The following ANKS1B variants were observed in gnomAD, a reference collection of about 807,000 sequenced individuals.
ANKS1B encodes ankyrin repeat and sterile alpha motif domain-containing protein 1B.
A neutral mutation model predicts 148.3 loss-of-function variants in ANKS1B; 36 were observed. The ratio of observed to expected loss-of-function variants is 0.24; its 90% CI spans 0.19 to 0.32. The LOEUF (loss-of-function observed/expected upper bound fraction) is 0.32, where lower values mean the gene tolerates loss of function less well. Among genes scored for constraint, ANKS1B ranks in the 10% least tolerant of loss-of-function variants. ANKS1B has a pLI of 1.00. For missense variants in ANKS1B, 1,157 were observed against 1,542.6 expected, an observed-to-expected ratio of 0.75 and a Z score of 4.19; for synonymous variants, 542 against 560.8, an observed-to-expected ratio of 0.97 and a Z score of 0.47.
At chr12:99,283,993 A>G (rs2078802001) in intron 12 of ANKS1B, among the ~76,000 whole-genome samples, 1 of 152,186 alleles carries the variant, frequency 6.6e-6, no homozygotes, top group African/African-American at 2.4e-5. Flanking sequence ...TTTCCTTAAC[A>G]AGACTCCTCC....
chr12:99,212,947 T>C (rs940842957), intron 14 of ANKS1B, among the ~76,000 whole-genome samples: 3 of 152,196 alleles, frequency 2.0e-5, no homozygotes, highest in Non-Finnish European at 4.4e-5. Context: ...TGTTCAAAGA[T>C]GAAGGTCCTT....
chr12:99,266,462 A>C (rs2076454173), intron 12 of ANKS1B, among the ~76,000 whole-genome samples: 1 of 152,178 alleles, frequency 6.6e-6, no homozygotes, highest in South Asian at 2.1e-4. Flanking sequence ...GAAAGGTTAA[A>C]TAACTTGTCT....
intron 9 of ANKS1B, among the ~76,000 whole-genome samples, chr12:99,508,102 C>G (rs2153019510): frequency 6.6e-6 from 1 of 151,940 alleles, no homozygotes; most frequent in Admixed American, 6.6e-5. Context: ...TCTAGTTCTT[C>G]TGTGATTTTT....
rs1301162827 is a variant in ANKS1B, at chr12:98,944,230, G to T, written c.2778+108927C>A. The stretch of plus-strand genomic sequence containing the variant: ...CAGGAGAATCGCTTGAACCCGGGAG[G>T]CAGAGGTTGCAGTGAGCTGAGATCA... On this transcript the variant is annotated intron_variant, in intron 17 of 26. Transcript: ENST00000683438. Among the ~76,000 whole-genome samples the T allele has an allele frequency of 1.0e-4, 15 of 147,452 alleles. No homozygotes were observed. In the Admixed American group the frequency reaches 1.1e-3, roughly 10 times the overall value.
intron 1 of ANKS1B, among the ~76,000 whole-genome samples, chr12:99,926,954 C>T (rs1293469078): frequency 6.6e-6 from 1 of 152,210 alleles, no homozygotes; most frequent in Non-Finnish European, 1.5e-5. Context: ...GCTTTGAAAT[C>T]CTGCCTACCC....
At chr12:99,950,979 T>A (rs1032701535) in intron 1 of ANKS1B, among the ~76,000 whole-genome samples, 1 of 152,242 alleles carries the variant, frequency 6.6e-6, no homozygotes, top group Non-Finnish European at 1.5e-5. Flanking sequence ...TTCTTCATTC[T>A]GTCCTCATAT....
At chr12:99,348,251 A>G (rs2090988156) in intron 12 of ANKS1B, among the ~76,000 whole-genome samples, 1 of 151,924 alleles carries the variant, frequency 6.6e-6, no homozygotes, top group African/African-American at 2.4e-5. Flanking sequence ...CCAGAAAGAG[A>G]GGAGACAGAA....
intron 16 of ANKS1B, among the ~76,000 whole-genome samples, chr12:99,063,826 G>C (rs2043214186): frequency 6.6e-6 from 1 of 152,148 alleles, no homozygotes; most frequent in South Asian, 2.1e-4. Context: ...ACTGTTGTTG[G>C]AAAGCAAGGA....
chr12:99,667,878 C>A (rs138216863), intron 8 of ANKS1B, among the ~76,000 whole-genome samples: 14 of 152,244 alleles, frequency 9.2e-5, no homozygotes, highest in Non-Finnish European at 1.9e-4. Context: ...ATAACCTTGC[C>A]TTTCTGGCAT....
chr12:99,340,317 A>C (rs1195320758), intron 12 of ANKS1B, among the ~76,000 whole-genome samples: 1 of 152,100 alleles, frequency 6.6e-6, no homozygotes, highest in Non-Finnish European at 1.5e-5. Context: ...AAAGTAAATA[A>C]CTTAGAGTCA....
intron 11 of ANKS1B, 63 bp from the exon 12 acceptor site, chr12:99,399,874 C>A: frequency 6.6e-7 from 1 of 1,522,630 alleles, no homozygotes; most frequent in South Asian, 1.2e-5. Context: ...CCCAATCTCC[C>A]CATCAATTTA....
chr12:99,850,281 G>GTCTCTCCCTCTCTCTCTCTCTC (rs57015094), intron 1 of ANKS1B, among the ~76,000 whole-genome samples: 1,564 of 114,172 alleles, frequency 0.014, 188 homozygotes, highest in African/African-American at 0.044. Context: ...AAGCAAGAAA[G>GTCTCTCCCTCTCTCTCTCTCTC]TCTCTCTCTC....
chr12:99,744,136 C>G (rs2060369663), intron 8 of ANKS1B, among the ~76,000 whole-genome samples: 1 of 152,048 alleles, frequency 6.6e-6, no homozygotes, highest in Non-Finnish European at 1.5e-5. Flanking sequence ...ATGACTATAT[C>G]TGGAACATAC....
At chr12:99,718,101 C>G (rs1465297136) in intron 8 of ANKS1B, among the ~76,000 whole-genome samples, 1 of 151,714 alleles carries the variant, frequency 6.6e-6, no homozygotes, top group South Asian at 2.1e-4. Flanking sequence ...GACGGGGTTT[C>G]ACCATGTTAG....
rs563828277 is a variant in ANKS1B, at chr12:98,813,657, G to A, written c.3067-5739C>T. Among the ~76,000 whole-genome samples the A allele has an allele frequency of 4.7e-5, 7 of 149,034 alleles. No homozygotes were observed. The South Asian group carries it at 1.1e-3, about 23-fold the overall frequency. On this transcript the variant is annotated intron_variant, in intron 19 of 26. Coordinates refer to ENST00000683438, the MANE Select transcript of ANKS1B (RefSeq NM_001352186.2). ...TCCTGGGTTCAAGTGATTCTCTCCCGGGTTCAAGTGCCTCAACCTCCTGTG... is the reference window on the plus strand; with the variant it reads ...TCCTGGGTTCAAGTGATTCTCTCCCAGGTTCAAGTGCCTCAACCTCCTGTG...
At chr12:99,940,442 A>T (rs1488340312) in intron 1 of ANKS1B, among the ~76,000 whole-genome samples, 1 of 152,144 alleles carries the variant, frequency 6.6e-6, no homozygotes, top group Non-Finnish European at 1.5e-5. Context: ...AGGGGGAAAA[A>T]AACTAGGCAG....
In ANKS1B at chr12:99,812,419, A is replaced by G. The variant is rs377634701; in HGVS notation, c.216-108T>C. 49 of 1,216,824 alleles carry G rather than the reference A, an allele frequency of 4.0e-5. 1 individual carries two copies. The African/African-American group carries it at 5.7e-4, about 14-fold the overall frequency. The allele number at this position is 1,216,824 out of a possible 1,614,324, so 75.4% of individuals were successfully genotyped here. A position where few individuals can be genotyped will look rare whatever the true frequency, so the allele number is the denominator to read the frequency against. On this transcript the variant is annotated intron_variant, in intron 2 of 26. Transcript: ENST00000683438. ...TGCTGGGTGGGAATTTAGAGTAATCATTCAAGGTACTAAGATATAAAGTTG... is the reference window on the plus strand; with the variant it reads ...TGCTGGGTGGGAATTTAGAGTAATCGTTCAAGGTACTAAGATATAAAGTTG...
intron 12 of ANKS1B, among the ~76,000 whole-genome samples, chr12:99,376,610 T>A (rs1300079127): frequency 6.6e-6 from 1 of 152,210 alleles, no homozygotes. Flanking sequence ...CAGTGAATAA[T>A]CTTAGAAATG....
At chr12:99,532,652 G>A (rs142052301) in intron 9 of ANKS1B, among the ~76,000 whole-genome samples, 217 of 152,166 alleles carry the variant, frequency 1.4e-3, no homozygotes, top group African/African-American at 5.1e-3. Context: ...GAGCCACCAC[G>A]CCTGGTCACA....
Sources: gnomAD v4.1 joint callset for allele counts (sites outside exome capture counted in the v4.1 genomes callset) on GRCh38, gnomAD v4.1.1 for gene constraint, MANE v1.5 for transcripts, NCBI Gene and HGNC (gene_info 2026-07-23, HGNC 2026-07-21) for gene names.